Variants in TIMD4 observed in about 807,000 individuals in gnomAD.
TIMD4 encodes the protein T-cell immunoglobulin and mucin domain-containing protein 4.
TIMD4 carries 31 observed loss-of-function variants against 41.2 expected under a neutral mutation model. The ratio of observed to expected loss-of-function variants is 0.75; its 90% CI spans 0.57 to 1.01. The LOEUF (loss-of-function observed/expected upper bound fraction) is 1.01. Among genes scored for constraint, TIMD4 ranks in the 50% least tolerant of loss-of-function variants. The pLI is 0.00. For synonymous variants in TIMD4, 204 were observed against 177.1 expected (o/e 1.15, Z -1.21); for missense variants, 479 against 472.5 (o/e 1.01, Z -0.13).
chr5:156,925,485 A>G (rs1290385590), intron 6 of TIMD4, among the ~76,000 whole-genome samples: 1 of 152,220 alleles, frequency 6.6e-6, no homozygotes, highest in African/African-American at 2.4e-5. Context: ...AGTGTCTGAG[A>G]GAGAGATGGG....
intron 5 of TIMD4, among the ~76,000 whole-genome samples, chr5:156,946,043 T>C (rs893475445): frequency 6.6e-6 from 1 of 152,204 alleles, no homozygotes; most frequent in African/African-American, 2.4e-5. Flanking sequence ...TTCTCTCTTC[T>C]GGGATTTGGT....
chr5:156,931,045 T>G (rs1289465820), intron 5 of TIMD4, among the ~76,000 whole-genome samples: 1 of 152,090 alleles, frequency 6.6e-6, no homozygotes, highest in East Asian at 1.9e-4. Context: ...AGAGGATGTG[T>G]GATAAAGGAA....
intron 2 of TIMD4, among the ~76,000 whole-genome samples, chr5:156,953,889 A>G (rs534723449): frequency 1.2e-4 from 19 of 152,148 alleles, no homozygotes; most frequent in Admixed American, 1.3e-4. Context: ...AAGTCCCACC[A>G]TATCCCAGAT....
chr5:156,919,402 A>AC lies in TIMD4; in HGVS notation c.*54_*55insG. 1 of 1,469,206 alleles carries AC rather than the reference A, an allele frequency of 6.8e-7. No individual in the cohort carries two copies. Among genetic ancestry groups the AC allele is most frequent in the Admixed American group, 1.7e-5 (1 of 58,334 alleles). 91.0% of individuals were successfully genotyped at this position (1,469,206 alleles called of 1,614,324 possible). A position where few individuals can be genotyped will look rare whatever the true frequency, so the allele number is the denominator to read the frequency against. ...GAAACAAGGAAATCTACTAAGACTT[A>AC]TTTTGACACTGGAGTGTCATGCCCC... On this transcript the variant is annotated 3_prime_UTR_variant, in exon 9 of 9. Transcript: ENST00000274532.
intron 1 of TIMD4, among the ~76,000 whole-genome samples, chr5:156,959,958 G>T (rs962007480): frequency 6.6e-6 from 1 of 152,022 alleles, no homozygotes; most frequent in Non-Finnish European, 1.5e-5. Flanking sequence ...CAGGAGAATT[G>T]CTTGAGCCTG....
At chr5:156,932,898 G>A (rs1310124733) in intron 5 of TIMD4, among the ~76,000 whole-genome samples, 4 of 152,132 alleles carry the variant, frequency 2.6e-5, no homozygotes, top group South Asian at 2.1e-4. Flanking sequence ...CAGCTACTCC[G>A]GAGGTTGAGG....
intron 3 of TIMD4, among the ~76,000 whole-genome samples, chr5:156,950,395 C>T (rs990583980): frequency 1.3e-5 from 2 of 151,656 alleles, no homozygotes; most frequent in African/African-American, 4.8e-5. Context: ...ATTTTAAAAC[C>T]CAAAGGAATA....
At chr5:156,950,344 G>A (rs922645830) in intron 3 of TIMD4, among the ~76,000 whole-genome samples, 3 of 151,960 alleles carry the variant, frequency 2.0e-5, no homozygotes, top group Non-Finnish European at 4.4e-5. Context: ...TTAGAATCAA[G>A]GAATAGAAAC....
At chr5:156,957,870 T>C (rs958837423) in intron 1 of TIMD4, among the ~76,000 whole-genome samples, 2 of 152,174 alleles carry the variant, frequency 1.3e-5, no homozygotes, top group African/African-American at 2.4e-5. Flanking sequence ...CTTGTTCCTA[T>C]GAATATTTGG....
chr5:156,923,143 ATTTTTTT>A (rs375276732), intron 6 of TIMD4, among the ~76,000 whole-genome samples: 91 of 135,032 alleles, frequency 6.7e-4, no homozygotes, highest in Admixed American at 1.4e-3. Context: ...CTGGGATTAA[ATTTTTTT>A]TTTTTTTTTT....
At chr5:156,943,408 TC>T (rs1361595384) in intron 5 of TIMD4, among the ~76,000 whole-genome samples, 1 of 152,156 alleles carries the variant, frequency 6.6e-6, no homozygotes, top group Non-Finnish European at 1.5e-5. Context: ...CACCTGAGAT[TC>T]TACAAGAAAA....
intron 5 of TIMD4, among the ~76,000 whole-genome samples, chr5:156,947,610 T>C (rs1378882665): frequency 1.3e-5 from 2 of 152,244 alleles, no homozygotes; most frequent in East Asian, 3.8e-4. Flanking sequence ...ATTTGACATG[T>C]ATCTACATAG....
At chr5:156,951,406 G>A (rs928491003) in intron 3 of TIMD4, 106 bp downstream of exon 3, 1 of 1,386,252 alleles carries the variant, frequency 7.2e-7, no homozygotes, top group South Asian at 1.4e-5. Flanking sequence ...ATATACGCAT[G>A]TGTACACGCA....
intron 1 of TIMD4, among the ~76,000 whole-genome samples, chr5:156,961,808 C>CAAAAAAAAA (rs71578911): frequency 2.9e-3 from 82 of 27,966 alleles, no homozygotes; most frequent in African/African-American, 3.4e-3. Context: ...GACTCCGTCT[C>CAAAAAAAAA]AAAAAAAAAA....
intron 8 of TIMD4, 125 bp downstream of exon 8, chr5:156,920,339 C>T: frequency 9.2e-7 from 1 of 1,086,494 alleles, no homozygotes; most frequent in South Asian, 1.4e-5. Flanking sequence ...CTTCTAATGT[C>T]ACATCTTTCC....
intron 6 of TIMD4, among the ~76,000 whole-genome samples, chr5:156,925,711 A>G (rs949837750): frequency 5.3e-5 from 8 of 152,192 alleles, no homozygotes; most frequent in Non-Finnish European, 1.0e-4. Context: ...CATGTTTTTT[A>G]TATTTTTTTC....
intron 1 of TIMD4, among the ~76,000 whole-genome samples, chr5:156,955,366 G>A (rs1212438340): frequency 6.6e-6 from 1 of 152,154 alleles, no homozygotes; most frequent in Admixed American, 6.6e-5. Flanking sequence ...AGACTTAAAA[G>A]CTTCAAATGG....
chr5:156,958,662 C>T (rs1760024485), intron 1 of TIMD4, among the ~76,000 whole-genome samples: 1 of 152,204 alleles, frequency 6.6e-6, no homozygotes, highest in Admixed American at 6.5e-5. Flanking sequence ...TAAGTATTCA[C>T]TACCCAAGAG....
At chr5:156,946,550 C>T (rs1163867777) in intron 5 of TIMD4, among the ~76,000 whole-genome samples, 1 of 152,148 alleles carries the variant, frequency 6.6e-6, no homozygotes, top group Admixed American at 6.5e-5. Context: ...AATCTCGGCT[C>T]ACTGCAAGCT....
Sources: gnomAD v4.1 joint callset for allele counts (sites outside exome capture counted in the v4.1 genomes callset) on GRCh38, gnomAD v4.1.1 for gene constraint, MANE v1.5 for transcripts, NCBI Gene and HGNC (gene_info 2026-07-23, HGNC 2026-07-21) for gene names.